The following RTN4R variants were observed in gnomAD, a reference collection of about 807,000 sequenced individuals.
The protein encoded by RTN4R is reticulon 4 receptor.
RTN4R carries 4 observed loss-of-function variants against 27.7 expected under a neutral mutation model. The observed-to-expected ratio is 0.14, with a 90% CI of 0.07 to 0.33. The LOEUF is 0.33. Among genes scored for constraint, RTN4R ranks in the 10% least tolerant of loss-of-function variants. RTN4R has a pLI of 1.00. For synonymous variants in RTN4R, 290 were observed against 305.6 expected (o/e 0.95, Z 0.53); for missense variants, 554 against 671.5 (o/e 0.83, Z 1.93).
chr22:20,243,052 G>A lies in RTN4R; in HGVS notation c.81C>T (p.Cys27=), dbSNP rs764559560. The A allele has an allele frequency of 3.7e-6, 6 of 1,601,666 alleles. No individual in the cohort carries two copies. The highest frequency in any genetic ancestry group is 1.3e-5 in the African/African-American group (1 of 74,942). Residue 27 remains cysteine (C), a synonymous_variant, in exon 2 of 2, where the codon TGC becomes TGT. Transcript: ENST00000043402. ...WLQAWQVAAP[C]PGACVCYNEP... ...CATTGTAGCATACGCAGGCACCTGG[G>A]CATGGGGCTGCCACCTGCCAGGCCT...
At chr22:20,265,743 A>C (rs1198882323) in intron 1 of RTN4R, among the ~76,000 whole-genome samples, 1 of 152,206 alleles carries the variant, frequency 6.6e-6, no homozygotes, top group Admixed American at 6.5e-5. Context: ...GCCAGCTGGC[A>C]GTGCAAAGGT....
chr22:20,243,723 T>A (rs1435870584), intron 1 of RTN4R: 1 of 352,160 alleles, frequency 2.8e-6, no homozygotes, highest in Non-Finnish European at 5.9e-6. Context: ...GCAGGAACCC[T>A]CCTGAAGCCT....
chr22:20,255,936 A>G lies in RTN4R; in HGVS notation c.22+12135T>C, dbSNP rs1026056271. 6.6e-6 allele frequency among the ~76,000 whole-genome samples: 1 copy of G among 152,272 alleles called. No homozygotes were observed. Among genetic ancestry groups the G allele is most frequent in the African/African-American group, 2.4e-5 (1 of 41,470 alleles). On this transcript the variant is annotated intron_variant, in intron 1 of 1. Coordinates refer to ENST00000043402, the MANE Select transcript of RTN4R (RefSeq NM_023004.6). This position sits in a 1 kb window ranked among gnomAD's most constrained non-coding sequence, Gnocchi z 4.8. ...AGGCACGCACGCAGCGGCGACGTGA[A>G]TAAGTAATTGCTCTTTTATTAACAA...
At chr22:20,248,633 C>T (rs185967200) in intron 1 of RTN4R, among the ~76,000 whole-genome samples, 33 of 152,290 alleles carry the variant, frequency 2.2e-4, no homozygotes, top group African/African-American at 6.7e-4. Flanking sequence ...AAGACCAGGC[C>T]GAGGAGCCGG....
chr22:20,268,026 C>T (rs2145989135), intron 1 of RTN4R, 45 bp downstream of exon 1: 1 of 1,135,172 alleles, frequency 8.8e-7, no homozygotes, highest in East Asian at 4.1e-5. Context: ...CGCCCCCCTC[C>T]GCGCCCCGCC....
intron 1 of RTN4R, among the ~76,000 whole-genome samples, chr22:20,257,413 T>C (rs973093609): frequency 5.9e-5 from 9 of 152,190 alleles, no homozygotes; most frequent in Admixed American, 1.3e-4. Context: ...GCCCTCACCA[T>C]GGCATTAGTG....
At chr22:20,254,202 G>A (rs1293070020) in intron 1 of RTN4R, among the ~76,000 whole-genome samples, 1 of 152,036 alleles carries the variant, frequency 6.6e-6, no homozygotes, top group Non-Finnish European at 1.5e-5. Flanking sequence ...ACTGAGGTGG[G>A]AGGACTGCTT....
intron 1 of RTN4R, among the ~76,000 whole-genome samples, chr22:20,247,694 G>A (rs1269663983): frequency 6.6e-6 from 1 of 152,000 alleles, no homozygotes; most frequent in Non-Finnish European, 1.5e-5. Context: ...AGGGAAGTGA[G>A]TACCAGCCCC....
At chr22:20,246,320 T>C (rs2051140654) in intron 1 of RTN4R, among the ~76,000 whole-genome samples, 3 of 152,192 alleles carry the variant, frequency 2.0e-5, no homozygotes. Flanking sequence ...CCCAGGAGGC[T>C]GGGCAGCAAA....
chr22:20,259,646 C>T (rs2051233338), intron 1 of RTN4R, among the ~76,000 whole-genome samples: 1 of 152,226 alleles, frequency 6.6e-6, no homozygotes, highest in African/African-American at 2.4e-5. Flanking sequence ...GCCTGTCCTG[C>T]AGCCACTGGG....
In RTN4R at chr22:20,242,849, C is replaced by A; in HGVS notation, c.284G>T (p.Arg95Leu). 4 of 1,612,978 alleles carry A rather than the reference C, an allele frequency of 2.5e-6. No individual in the cohort carries two copies. Among genetic ancestry groups the A allele is most frequent in the East Asian group, 2.2e-5 (1 of 44,854 alleles). Residue 95 changes from arginine to leucine, a missense_variant, in exon 2 of 2, where the codon CGA (arginine) becomes CTA (leucine). Arg to Leu is a moderately radical substitution (Grantham distance 102). Transcript: ENST00000043402. ...ILWLHSNVLA[R>L]IDAAAFTGLA... ...GCCAGTGAAGGCAGCCGCATCAATT[C>A]GGGCCAGCACATTCGAGTGCAGCCA...
intron 1 of RTN4R, among the ~76,000 whole-genome samples, chr22:20,263,482 A>C (rs1336066593): frequency 1.3e-5 from 2 of 152,220 alleles, no homozygotes; most frequent in Non-Finnish European, 2.9e-5. Context: ...CAACATTCCA[A>C]AGAATTTCAA....
chr22:20,242,413 C>A lies in RTN4R; in HGVS notation c.720G>T (p.Ala240=). The change falls in exon 2 of 2, where the codon GCG becomes GCT. Residue 240 remains alanine, a synonymous_variant. Coordinates refer to ENST00000043402, the MANE Select transcript of RTN4R (RefSeq NM_023004.6). ...GGGGGGCCAGGGCCTCAGTGGGCAG[C>A]GCTGATAGATTGTTGGCAAACAGAT... ...TLYLFANNLS[A]LPTEALAPLR... The A allele has an allele frequency of 6.2e-7, 1 of 1,613,270 alleles. No homozygotes were observed. The highest frequency in any genetic ancestry group is 8.5e-7 in the Non-Finnish European group (1 of 1,179,982).
chr22:20,261,322 A>T (rs1221191792), intron 1 of RTN4R, among the ~76,000 whole-genome samples: 1 of 152,052 alleles, frequency 6.6e-6, no homozygotes, highest in African/African-American at 2.4e-5. Context: ...GGCCCCAATC[A>T]CTAGTCTCGA....
At chr22:20,245,592 A>G (rs188594832) in intron 1 of RTN4R, among the ~76,000 whole-genome samples, 96 of 152,166 alleles carry the variant, frequency 6.3e-4, no homozygotes, top group Non-Finnish European at 7.1e-4. Flanking sequence ...CCCCACCCCA[A>G]AAGACCTCCC....
intron 1 of RTN4R, 150 bp from the exon 2 acceptor site, chr22:20,243,260 G>C: frequency 1.4e-6 from 1 of 737,932 alleles, no homozygotes; most frequent in Non-Finnish European, 2.3e-6. Flanking sequence ...GGGAATCGCA[G>C]TGTTGGGATC....
intron 1 of RTN4R, among the ~76,000 whole-genome samples, chr22:20,262,591 C>T (rs965198076): frequency 1.3e-4 from 20 of 152,308 alleles, no homozygotes; most frequent in South Asian, 2.1e-4. Flanking sequence ...AAGGGCCAGC[C>T]CTCCACAACC....
chr22:20,241,835 T>A lies in RTN4R; in HGVS notation c.1298A>T (p.Gln433Leu). Residue 433 changes from glutamine to leucine, a missense_variant, in exon 2 of 2, where the codon CAG (glutamine) becomes CTG (leucine). Coordinates refer to ENST00000043402, the MANE Select transcript of RTN4R (RefSeq NM_023004.6). ...AGTCCCGCCACCCCCGCTGCCTGCC[T>A]GGCCCAGACGGCAGTGGCTGCGGGT... ...NRTRSHCRLG[Q>L]AGSGGGGTGD... is the part of the protein sequence containing the mutation. 6.2e-7 allele frequency: 1 copy of A among 1,605,406 alleles called. No homozygotes were observed. Among genetic ancestry groups the A allele is most frequent in the Non-Finnish European group, 8.5e-7 (1 of 1,176,700 alleles).
At chr22:20,253,947 T>C (rs148610979) in intron 1 of RTN4R, among the ~76,000 whole-genome samples, 14 of 151,892 alleles carry the variant, frequency 9.2e-5, no homozygotes, top group South Asian at 4.2e-4. Context: ...GAGACAAATA[T>C]AGGTTGAACA....
Sources: allele counts gnomAD v4.1 joint callset (sites outside exome capture counted in the v4.1 genomes callset), GRCh38; gene constraint gnomAD v4.1.1; non-coding constraint Gnocchi (gnomAD v3.1); transcripts MANE v1.5; gene names NCBI Gene and HGNC (gene_info 2026-07-23, HGNC 2026-07-21).